Variants in S100Z observed in about 807,000 individuals in gnomAD.
The protein encoded by S100Z is protein S100-Z.
In S100Z, 11 loss-of-function variants were observed where a neutral mutation model predicts 8.5. The ratio of observed to expected loss-of-function variants is 1.30; its 90% CI spans 0.82 to 2.15. S100Z has a LOEUF of 2.15. S100Z is among the 30% of genes most tolerant of loss of function. S100Z has a pLI of 0.00. For synonymous variants in S100Z, 34 were observed against 43.8 expected (o/e 0.78, Z 0.89); for missense variants, 126 against 117.9 (o/e 1.07, Z -0.32).
intron 4 of S100Z, among the ~76,000 whole-genome samples, chr5:76,919,383 C>T (rs182351430): frequency 4.9e-4 from 75 of 152,316 alleles, no homozygotes; most frequent in African/African-American, 1.8e-3. Context: ...TTTGGCCATT[C>T]TAATAAGTAT....
At chr5:76,890,947 T>C (rs1167032834) in intron 4 of S100Z, among the ~76,000 whole-genome samples, 1 of 152,166 alleles carries the variant, frequency 6.6e-6, no homozygotes, top group Non-Finnish European at 1.5e-5. Context: ...ACTGCAACCT[T>C]CGCCTCTGGG....
chr5:76,905,296 G>C (rs1293228649), intron 4 of S100Z, among the ~76,000 whole-genome samples: 1 of 152,124 alleles, frequency 6.6e-6, no homozygotes, highest in Non-Finnish European at 1.5e-5. Context: ...TCAGCCTCCT[G>C]AGTAGCTGAG....
At chr5:76,928,096 C>T in the S100Z span, among the ~76,000 whole-genome samples, 9 of 152,170 alleles carry the variant, frequency 5.9e-5, no homozygotes, top group Admixed American at 1.3e-4. Context: ...ATGGATTTCA[C>T]GTATCCTTTA....
At chr5:76,934,700 T>A in the S100Z span, among the ~76,000 whole-genome samples, 6 of 152,216 alleles carry the variant, frequency 3.9e-5, no homozygotes, top group Admixed American at 6.5e-5. Context: ...GAGGCAGCAA[T>A]GGGAACCATC....
At chr5:76,922,519 G>GTTGTTTGTTTGT (rs70982665), downstream of S100Z, among the ~76,000 whole-genome samples, 54 of 151,494 alleles carry the variant, frequency 3.6e-4, no homozygotes, top group East Asian at 1.2e-3. Context: ...TTTTTTTGTT[G>GTTGTTTGTTTGT]TTGTTTGTTT....
chr5:76,860,115 T>C (rs542125944), intron 1 of S100Z, among the ~76,000 whole-genome samples: 1 of 152,276 alleles, frequency 6.6e-6, no homozygotes, highest in East Asian at 1.9e-4. Flanking sequence ...GAAAGAACTC[T>C]GGGTGGCTCA....
chr5:76,860,907 T>C (rs908674233), intron 1 of S100Z, among the ~76,000 whole-genome samples: 1 of 152,224 alleles, frequency 6.6e-6, no homozygotes, highest in African/African-American at 2.4e-5. Flanking sequence ...AACATTCTAA[T>C]AGAAGAAACG....
chr5:76,889,321 G>A (rs1297440809), intron 4 of S100Z, among the ~76,000 whole-genome samples: 1 of 152,026 alleles, frequency 6.6e-6, no homozygotes, highest in East Asian at 1.9e-4. Context: ...CCTGGTGTTC[G>A]TCCGCTCATT....
intron 1 of S100Z, among the ~76,000 whole-genome samples, chr5:76,857,689 C>T (rs758227816): frequency 1.3e-5 from 2 of 151,892 alleles, no homozygotes; most frequent in African/African-American, 4.8e-5. Context: ...TTAGGAGAGA[C>T]GGGGTTTTGC....
At chr5:76,850,258 T>TGAGGTG (rs1369535527) in intron 1 of S100Z, 103 bp downstream of exon 1, 1 of 134,970 alleles carries the variant, frequency 7.4e-6, no homozygotes. Context: ...GTGGAGGTTG[T>TGAGGTG]GAGGTGGGGG....
chr5:76,869,032 G>C (rs1336567920), intron 1 of S100Z, among the ~76,000 whole-genome samples: 1 of 152,118 alleles, frequency 6.6e-6, no homozygotes, highest in Non-Finnish European at 1.5e-5. Flanking sequence ...ATAATTATTT[G>C]GCAGTTAAAC....
the S100Z span, chr5:76,952,943 G>A: frequency 1.7e-6 from 1 of 591,724 alleles, no homozygotes. Context: ...CTCTGTCAAT[G>A]AGACAGGGTA....
chr5:76,857,531 G>C (rs1352373469), intron 1 of S100Z, among the ~76,000 whole-genome samples: 1 of 120,556 alleles, frequency 8.3e-6, no homozygotes, highest in Non-Finnish European at 1.7e-5. Context: ...ATGGAGTCTT[G>C]CTCCGCCACC....
At chr5:76,952,237 A>C in the S100Z span, among the ~76,000 whole-genome samples, 1 of 152,236 alleles carries the variant, frequency 6.6e-6, no homozygotes, top group Non-Finnish European at 1.5e-5. Context: ...AGAGTGTTAA[A>C]GTAATCCAGG....
chr5:76,854,160 A>G (rs1750811174), intron 1 of S100Z, among the ~76,000 whole-genome samples: 1 of 152,190 alleles, frequency 6.6e-6, no homozygotes, highest in African/African-American at 2.4e-5. Context: ...ATTTCTTTAT[A>G]GTAGTATGAG....
At chr5:76,882,323 G>A (rs754808865) in intron 4 of S100Z, among the ~76,000 whole-genome samples, 5 of 152,178 alleles carry the variant, frequency 3.3e-5, no homozygotes, top group East Asian at 1.9e-4. Context: ...GCTACAGGGC[G>A]CAGTCCCAGC....
chr5:76,877,948 A>G, intron 4 of S100Z, 114 bp downstream of exon 4: 2 of 573,500 alleles, frequency 3.5e-6, no homozygotes, highest in South Asian at 5.7e-5. Flanking sequence ...TATAATATCC[A>G]GTGCATATAT....
At chr5:76,939,777 T>C in the S100Z span, among the ~76,000 whole-genome samples, 2 of 151,982 alleles carry the variant, frequency 1.3e-5, no homozygotes, top group African/African-American at 4.8e-5. Flanking sequence ...CCTCCCAAAG[T>C]GCTGGGATTA....
chr5:76,865,202 T>C (rs1317362062), intron 1 of S100Z, among the ~76,000 whole-genome samples: 1 of 151,174 alleles, frequency 6.6e-6, no homozygotes, highest in Admixed American at 6.6e-5. Context: ...TCTGACCCTG[T>C]GTAGGCCTAG....
Sources: gnomAD v4.1 joint callset for allele counts (sites outside exome capture counted in the v4.1 genomes callset) on GRCh38, gnomAD v4.1.1 for gene constraint, MANE v1.5 for transcripts, NCBI Gene and HGNC (gene_info 2026-07-23, HGNC 2026-07-21) for gene names.